The following CTNNA3 variants were observed in gnomAD, a reference collection of about 807,000 sequenced individuals.
The protein encoded by CTNNA3 is catenin alpha 3, also known as catenin alpha-3.
In CTNNA3, 76 loss-of-function variants were observed where a neutral mutation model predicts 95.7. The ratio of observed to expected loss-of-function variants is 0.79; its 90% CI spans 0.66 to 0.96. The LOEUF is 0.96. Among genes scored for constraint, CTNNA3 ranks in the 40% least tolerant of loss-of-function variants. The pLI, the probability that CTNNA3 is intolerant of heterozygous loss-of-function variation, is 0.00. For synonymous variants in CTNNA3, 431 were observed against 374.4 expected (o/e 1.15, Z -1.74); for missense variants, 1,191 against 1,089.8 (o/e 1.09, Z -1.31).
chr10:67,754,108 T>C (rs1399062278), intron 1 of CTNNA3, among the ~76,000 whole-genome samples: 1 of 152,130 alleles, frequency 6.6e-6, no homozygotes, highest in Non-Finnish European at 1.5e-5. Context: ...ATGTGGTACA[T>C]ACACACCATG....
chr10:67,483,157 A>T (rs1848303661), intron 5 of CTNNA3, among the ~76,000 whole-genome samples: 1 of 151,848 alleles, frequency 6.6e-6, no homozygotes, highest in Admixed American at 6.6e-5. Context: ...GAACACTTTT[A>T]CACTGTTGGT....
At chr10:67,176,173 T>C (rs1253777636) in intron 7 of CTNNA3, among the ~76,000 whole-genome samples, 1 of 152,104 alleles carries the variant, frequency 6.6e-6, no homozygotes, top group Non-Finnish European at 1.5e-5. Flanking sequence ...GAGATTAAGA[T>C]AAAAAAGAAT....
At chr10:66,667,908 G>A (rs1209622653) in intron 9 of CTNNA3, among the ~76,000 whole-genome samples, 3 of 151,910 alleles carry the variant, frequency 2.0e-5, no homozygotes, top group Non-Finnish European at 2.9e-5. Flanking sequence ...AAACTCCCAG[G>A]GTTGAAGCAT....
intron 14 of CTNNA3, among the ~76,000 whole-genome samples, chr10:66,095,665 C>G (rs1437224575): frequency 6.6e-6 from 1 of 151,948 alleles, no homozygotes; most frequent in Non-Finnish European, 1.5e-5. Context: ...AAAAGTGAGG[C>G]AGTTTTTCCT....
chr10:66,637,095 CAT>C (rs1845364096), intron 9 of CTNNA3, among the ~76,000 whole-genome samples: 1 of 151,976 alleles, frequency 6.6e-6, no homozygotes, highest in African/African-American at 2.4e-5. Context: ...TGATAGAAAA[CAT>C]AGAAGTTTTA....
At chr10:66,863,438 A>G (rs183038200) in intron 7 of CTNNA3, among the ~76,000 whole-genome samples, 15 of 152,154 alleles carry the variant, frequency 9.9e-5, no homozygotes, top group Admixed American at 8.5e-4. Context: ...CAAGAGACAA[A>G]TTTGTGGCTT....
chr10:66,111,954 G>A (rs7903776), intron 13 of CTNNA3, among the ~76,000 whole-genome samples: 6,401 of 152,090 alleles, frequency 0.042, 429 homozygotes, highest in African/African-American at 0.14. Context: ...GATAATTTTT[G>A]TAAATCCTTT....
At chr10:66,913,674 G>A (rs563784367) in intron 7 of CTNNA3, among the ~76,000 whole-genome samples, 71 of 152,214 alleles carry the variant, frequency 4.7e-4, no homozygotes, top group African/African-American at 1.6e-3. Context: ...ACCTTATGTC[G>A]CGCCATAAAA....
chr10:66,736,432 A>G (rs1318481280), intron 9 of CTNNA3, among the ~76,000 whole-genome samples: 2 of 151,870 alleles, frequency 1.3e-5, no homozygotes, highest in East Asian at 1.9e-4. Flanking sequence ...AGCTGAGGCA[A>G]TCTGCCTGCC....
chr10:67,716,673 A>G (rs923112634), intron 1 of CTNNA3, among the ~76,000 whole-genome samples: 1 of 152,178 alleles, frequency 6.6e-6, no homozygotes, highest in Admixed American at 6.5e-5. Flanking sequence ...ATGGCTGCAT[A>G]GTATTCCATG....
At chr10:66,006,671 C>T (rs187923612) in intron 15 of CTNNA3, among the ~76,000 whole-genome samples, 10 of 152,224 alleles carry the variant, frequency 6.6e-5, no homozygotes, top group African/African-American at 1.7e-4. Flanking sequence ...TTTAAACCAC[C>T]GTGATATACT....
intron 5 of CTNNA3, among the ~76,000 whole-genome samples, chr10:67,286,494 T>C (rs1347228561): frequency 6.6e-6 from 1 of 152,202 alleles, no homozygotes; most frequent in East Asian, 1.9e-4. Context: ...AATGTGAAGA[T>C]TACATTATAT....
chr10:66,009,586 GAAGACTAATATTTA>G (rs1469975440), intron 15 of CTNNA3, among the ~76,000 whole-genome samples: 1 of 152,074 alleles, frequency 6.6e-6, no homozygotes, highest in East Asian at 1.9e-4. Flanking sequence ...TAGCCATTTT[GAAGACTAATATTTA>G]AAGCCATAAC....
intron 7 of CTNNA3, among the ~76,000 whole-genome samples, chr10:66,990,316 A>T (rs1408651527): frequency 6.6e-6 from 1 of 152,184 alleles, no homozygotes; most frequent in Non-Finnish European, 1.5e-5. Context: ...AAACTGTAGT[A>T]CTATCCTTTG....
chr10:67,674,054 TG>T (rs1399260779), intron 1 of CTNNA3, among the ~76,000 whole-genome samples: 3 of 151,890 alleles, frequency 2.0e-5, no homozygotes, highest in African/African-American at 7.3e-5. Context: ...AGAGTCCCTC[TG>T]GTGTATACAT....
intron 7 of CTNNA3, among the ~76,000 whole-genome samples, chr10:67,045,490 T>G (rs1854675290): frequency 6.6e-6 from 1 of 152,166 alleles, no homozygotes; most frequent in African/African-American, 2.4e-5. Flanking sequence ...TTTCAATAGA[T>G]CGCGGCGAGG....
intron 9 of CTNNA3, among the ~76,000 whole-genome samples, chr10:66,729,725 A>G (rs544850676): frequency 1.4e-4 from 22 of 152,302 alleles, no homozygotes; most frequent in Non-Finnish European, 3.2e-4. Flanking sequence ...CCAACATCTC[A>G]CAAAAACACC....
chr10:66,075,506 G>T (rs1282926314), intron 14 of CTNNA3, among the ~76,000 whole-genome samples: 2 of 151,778 alleles, frequency 1.3e-5, no homozygotes, highest in African/African-American at 4.8e-5. Flanking sequence ...TATAAATAAT[G>T]TATATAAATG....
At chr10:66,815,331 C>A (rs761368392) in intron 7 of CTNNA3, among the ~76,000 whole-genome samples, 1 of 152,100 alleles carries the variant, frequency 6.6e-6, no homozygotes, top group Non-Finnish European at 1.5e-5. Flanking sequence ...CTCCCTTCAT[C>A]CCCAGTTCTG....
Sources: allele counts gnomAD v4.1 joint callset (sites outside exome capture counted in the v4.1 genomes callset), GRCh38; gene constraint gnomAD v4.1.1; transcripts MANE v1.5; gene names NCBI Gene and HGNC (gene_info 2026-07-23, HGNC 2026-07-21).